Variants in GARRE1 observed in about 807,000 individuals in gnomAD.
GARRE1 encodes the protein granule associated Rac and RHOG effector protein 1.
A neutral mutation model predicts 103.2 loss-of-function variants in GARRE1; 49 were observed. The ratio of observed to expected loss-of-function variants is 0.47; its 90% CI spans 0.38 to 0.60. The LOEUF (loss-of-function observed/expected upper bound fraction) is 0.60, where lower values mean the gene tolerates loss of function less well. Among genes scored for constraint, GARRE1 ranks in the 20% least tolerant of loss-of-function variants. The probability of loss-of-function intolerance (pLI) is 0.00; values close to 1 mark genes in which losing one functional copy is unlikely to be tolerated. For synonymous variants in GARRE1, 505 were observed against 532.8 expected (o/e 0.95, Z 0.72); for missense variants, 1,199 against 1,370.5 (o/e 0.87, Z 1.98).
chr19:34,325,480 A>T (rs1057274052), intron 3 of GARRE1, among the ~76,000 whole-genome samples: 1 of 152,050 alleles, frequency 6.6e-6, no homozygotes, highest in Non-Finnish European at 1.5e-5. Context: ...GAAACCTGAG[A>T]TTTATCCTTC....
Position 34,354,561 on chromosome 19 carries a change from A to C in GARRE1, c.*1606A>C, listed in dbSNP as rs2145293363. ...GTGGCGTGCGCCTGTAGTCCCAGCT[A>C]CTCGGGAGGCTGAAGCAGAAGAATC... On this transcript the variant is annotated 3_prime_UTR_variant, in exon 14 of 14. Coordinates refer to ENST00000299505, the MANE Select transcript of GARRE1 (RefSeq NM_014686.5). 1 of 152,168 alleles carries C rather than the reference A, an allele frequency of 6.6e-6. No homozygotes were observed. Among genetic ancestry groups the C allele is most frequent in the East Asian group, 1.9e-4 (1 of 5,172 alleles). The allele number at this position is 152,168 out of a possible 1,614,324, so 9.4% of individuals were successfully genotyped here.
intron 1 of GARRE1, among the ~76,000 whole-genome samples, chr19:34,270,714 C>T (rs948255704): frequency 2.6e-5 from 4 of 152,098 alleles, no homozygotes; most frequent in South Asian, 2.1e-4. Context: ...CTTATGGACC[C>T]GTTATAGCTT....
chr19:34,318,431 A>C (rs2074069824), intron 2 of GARRE1, among the ~76,000 whole-genome samples: 1 of 152,214 alleles, frequency 6.6e-6, no homozygotes, highest in Non-Finnish European at 1.5e-5. Flanking sequence ...GACCTTCACC[A>C]CTTGCGTGAG....
intron 1 of GARRE1, among the ~76,000 whole-genome samples, chr19:34,278,007 C>CT (rs756487383): frequency 1.4e-5 from 2 of 146,686 alleles, no homozygotes; most frequent in African/African-American, 5.0e-5. Flanking sequence ...TATTGACTCA[C>CT]TTTTTTTATT....
chr19:34,332,964 A>G (rs568574293), intron 7 of GARRE1, among the ~76,000 whole-genome samples: 89 of 152,310 alleles, frequency 5.8e-4, no homozygotes, highest in African/African-American at 2.1e-3. Context: ...ATGGTTGAGG[A>G]TAAGATAATC....
At chr19:34,256,340 G>A (rs1455646433) in intron 1 of GARRE1, among the ~76,000 whole-genome samples, 7 of 151,172 alleles carry the variant, frequency 4.6e-5, no homozygotes, top group Non-Finnish European at 1.0e-4. Flanking sequence ...GGTGAAACCC[G>A]GATTCAACTA....
At chr19:34,338,704 G>A (rs1568310503) in intron 8 of GARRE1, among the ~76,000 whole-genome samples, 1 of 152,216 alleles carries the variant, frequency 6.6e-6, no homozygotes, top group Non-Finnish European at 1.5e-5. Context: ...CAGGGAGGAA[G>A]AGAAGGCCTC....
intron 1 of GARRE1, among the ~76,000 whole-genome samples, chr19:34,260,529 T>A (rs1004076297): frequency 1.1e-4 from 16 of 152,214 alleles, no homozygotes; most frequent in Non-Finnish European, 1.3e-4. Flanking sequence ...ATCATTTTTT[T>A]ATTTTTATTT....
intron 1 of GARRE1, chr19:34,296,537 G>A (rs938541295): frequency 1.0e-5 from 16 of 1,595,154 alleles, no homozygotes; most frequent in African/African-American, 8.0e-5. Context: ...TGATAGCCTC[G>A]GCACGTGCAC....
At position 34,300,572 on chromosome 19, in the gene GARRE1, G is replaced by A. The variant is rs757429444; in HGVS notation, c.99G>A (p.Pro33=). The A allele has an allele frequency of 1.1e-5, 17 of 1,613,294 alleles. No homozygotes were observed. Among genetic ancestry groups the A allele is most frequent in the African/African-American group, 5.3e-5 (4 of 74,928 alleles). ...AGGTGCAGCAGCACCAGCAATACCCGATGCCTGAGCTGGGCCGAGCACTGA... is the reference window on the plus strand; with the variant it reads ...AGGTGCAGCAGCACCAGCAATACCCAATGCCTGAGCTGGGCCGAGCACTGA... ...KQKVQQHQQY[P]MPELGRALSA... Residue 33 remains proline, a synonymous_variant, in exon 2 of 14, where the codon CCG becomes CCA. Coordinates refer to ENST00000299505, the MANE Select transcript of GARRE1 (RefSeq NM_014686.5).
At position 34,347,922 on chromosome 19, in the gene GARRE1, A is replaced by T; in HGVS notation, c.2567A>T (p.Gln856Leu). 3 of 1,594,130 alleles carry T rather than the reference A, an allele frequency of 1.9e-6. No homozygotes were observed. Among genetic ancestry groups the T allele is most frequent in the Non-Finnish European group, 2.6e-6 (3 of 1,169,546 alleles). Residue 856 changes from glutamine (Q) to leucine (L), a missense_variant, in exon 11 of 14, where the codon CAG becomes CTG. Physicochemically the swap from Gln to Leu is moderately radical, Grantham distance 113. Transcript: ENST00000299505. Reference protein sequence around the residue: ...EFARYVAGVSQAMQQKRQAQH... With the variant: ...EFARYVAGVSLAMQQKRQAQH... ...GCACGCTATGTGGCAGGAGTGAGCC[A>T]GGCGATGCAGCAGAAGCGGCAGGCC...
Position 34,300,472 on chromosome 19 carries a change from G to T in GARRE1, c.-2G>T, listed in dbSNP as rs535765849. 5.8e-6 allele frequency: 9 copies of T among 1,552,338 alleles called. No individual in the cohort carries two copies. Among genetic ancestry groups the T allele is most frequent in the Middle Eastern group, 3.5e-4 (2 of 5,790 alleles). On this transcript the variant is annotated 5_prime_UTR_variant, in exon 2 of 14. Transcript: ENST00000299505. Reference sequence around the variant, plus strand: ...GGTTGCTGGGACAATTCCCCCTCCCGCATGTATTGCTGCAGTGCCCAGGAC... The same window carrying T: ...GGTTGCTGGGACAATTCCCCCTCCCTCATGTATTGCTGCAGTGCCCAGGAC...
At chr19:34,255,849 TTTG>T (rs1286053109) in intron 1 of GARRE1, among the ~76,000 whole-genome samples, 2 of 124,806 alleles carry the variant, frequency 1.6e-5, no homozygotes, top group African/African-American at 7.6e-5. Flanking sequence ...GGTAACTTTA[TTTG>T]TTTTTTTTTG....
chr19:34,310,631 C>T (rs1421347536), intron 2 of GARRE1, among the ~76,000 whole-genome samples: 1 of 152,136 alleles, frequency 6.6e-6, no homozygotes, highest in Admixed American at 6.5e-5. Flanking sequence ...TCGATAAATA[C>T]ACATGAGCTA....
At position 34,328,091 on chromosome 19, in the gene GARRE1, G is replaced by C. The variant is rs529061184; in HGVS notation, c.1044G>C (p.Ser348=). ...ELPTVPVQIG[S]HFLKGVSFNE... ...CCACCGTCCCTGTGCAGATAGGATCGCACTTCCTGAAGGGCGTCTCCTTTA... is the reference window on the plus strand; with the variant it reads ...CCACCGTCCCTGTGCAGATAGGATCCCACTTCCTGAAGGGCGTCTCCTTTA... The change falls in exon 6 of 14, where the codon TCG becomes TCC. Residue 348 remains serine (S), a synonymous_variant. Coordinates refer to ENST00000299505, the MANE Select transcript of GARRE1 (RefSeq NM_014686.5). The C allele has an allele frequency of 6.2e-7, 1 of 1,614,044 alleles. No individual in the cohort carries two copies. The highest frequency in any genetic ancestry group is 8.5e-7 in the Non-Finnish European group (1 of 1,180,030).
chr19:34,305,933 A>G (rs1482145800), intron 2 of GARRE1, among the ~76,000 whole-genome samples: 3 of 152,200 alleles, frequency 2.0e-5, no homozygotes, highest in Non-Finnish European at 2.9e-5. Context: ...TTATGCGTCT[A>G]TTCTGAGTTT....
rs755674651 is a variant in GARRE1, at chr19:34,341,896, G to A, written c.1962G>A (p.Ser654=). 23 of 1,613,998 alleles carry A rather than the reference G, an allele frequency of 1.4e-5. No individual in the cohort carries two copies. The highest frequency in any genetic ancestry group is 5.3e-5 in the African/African-American group (4 of 74,894). Residue 654 remains serine, a synonymous_variant, in exon 10 of 14, where the codon TCG becomes TCA. Coordinates refer to ENST00000299505, the MANE Select transcript of GARRE1 (RefSeq NM_014686.5). ...QEMQEVIDFL[S]GFNMGQSHQG... ...TGCAAGAGGTGATAGATTTTCTCTCGGGCTTTAACATGGGCCAGTCACATC... is the reference window on the plus strand; with the variant it reads ...TGCAAGAGGTGATAGATTTTCTCTCAGGCTTTAACATGGGCCAGTCACATC...
chr19:34,264,460 A>T (rs2073739198), intron 1 of GARRE1, among the ~76,000 whole-genome samples: 1 of 151,812 alleles, frequency 6.6e-6, no homozygotes, highest in African/African-American at 2.4e-5. Context: ...ATGCAGTGGC[A>T]TGATCTCAGC....
At chr19:34,325,412 C>T (rs2074107008) in intron 3 of GARRE1, among the ~76,000 whole-genome samples, 1 of 152,160 alleles carries the variant, frequency 6.6e-6, no homozygotes, top group African/African-American at 2.4e-5. Flanking sequence ...CTCACCTGTT[C>T]CTCCCTAGAC....
Sources: gnomAD v4.1 joint callset for allele counts (sites outside exome capture counted in the v4.1 genomes callset) on GRCh38, gnomAD v4.1.1 for gene constraint, MANE v1.5 for transcripts, NCBI Gene and HGNC (gene_info 2026-07-23, HGNC 2026-07-21) for gene names.